PTBP3: variants seen among roughly 807,000 people sequenced by gnomAD.
The protein encoded by PTBP3 is polypyrimidine tract binding protein 3.
A neutral mutation model predicts 58.7 loss-of-function variants in PTBP3; 20 were observed. The observed-to-expected ratio is 0.34, with a 90% confidence interval of 0.24 to 0.50. The LOEUF (loss-of-function observed/expected upper bound fraction) is 0.50, where lower values mean the gene tolerates loss of function less well. PTBP3 is among the 20% of genes least tolerant of loss of function. PTBP3 has a pLI of 0.98. For synonymous variants in PTBP3, 185 were observed against 219.8 expected (o/e 0.84, Z 1.40); for missense variants, 509 against 637.2 (o/e 0.80, Z 2.17).
chr9:112,292,297 T>C lies in PTBP3; in HGVS notation c.34+5535A>G, dbSNP rs117928508. ...CCCAAAAAATAAGTATTCACAAGGA[T>C]GTGGAAAAACTGAAACCCCTGTGTA... On this transcript the variant is annotated intron_variant, in intron 2 of 13. Coordinates refer to ENST00000374257, the MANE Select transcript of PTBP3 (RefSeq NM_001163788.4). Among the ~76,000 whole-genome samples the C allele has an allele frequency of 4.7e-3, 713 of 152,308 alleles. 2 individuals are homozygous for C. Among genetic ancestry groups the C allele is most frequent in the Non-Finnish European group, 8.3e-3 (563 of 68,014 alleles).
intron 2 of PTBP3, among the ~76,000 whole-genome samples, chr9:112,279,186 C>T (rs1827752928): frequency 1.3e-5 from 2 of 152,016 alleles, no homozygotes; most frequent in Admixed American, 1.3e-4. Flanking sequence ...CAATAGGAAA[C>T]AAGGAAATTC....
the PTBP3 span, among the ~76,000 whole-genome samples, chr9:112,367,558 C>T: frequency 1.3e-5 from 2 of 152,080 alleles, no homozygotes; most frequent in African/African-American, 4.8e-5. Flanking sequence ...TATTCTTAGT[C>T]AGGTATAGTA....
the PTBP3 span, among the ~76,000 whole-genome samples, chr9:112,355,084 A>G: frequency 1.3e-5 from 2 of 152,290 alleles, no homozygotes; most frequent in East Asian, 3.9e-4. Context: ...TGGACTACCC[A>G]CACCCACCGT....
the PTBP3 span, among the ~76,000 whole-genome samples, chr9:112,364,335 A>G: frequency 6.6e-6 from 1 of 152,250 alleles, no homozygotes; most frequent in East Asian, 1.9e-4. Flanking sequence ...AAAAGAGCAT[A>G]CTAACCTTTT....
the PTBP3 span, among the ~76,000 whole-genome samples, chr9:112,339,290 CAAAAA>C: frequency 3.0e-3 from 214 of 71,708 alleles, no homozygotes; most frequent in African/African-American, 0.01. Flanking sequence ...GACTCTGTCT[CAAAAA>C]AAAAAAAAAA....
intron 5 of PTBP3, among the ~76,000 whole-genome samples, chr9:112,259,950 G>T (rs1042014309): frequency 2.0e-5 from 3 of 151,980 alleles, no homozygotes; most frequent in Admixed American, 6.6e-5. Flanking sequence ...CTTAGATGGA[G>T]TCTTGCTCTG....
chr9:112,339,376 AATC>A, the PTBP3 span, among the ~76,000 whole-genome samples: 3 of 151,514 alleles, frequency 2.0e-5, no homozygotes, highest in Admixed American at 6.6e-5. Flanking sequence ...GTGATCTAAG[AATC>A]ATCATTGCCC....
rs140634953 is a variant in PTBP3 at position 112,270,758 on chromosome 9, A to G, written c.205-2563T>C. Among the ~76,000 whole-genome samples, 471 of 152,216 alleles carry G rather than the reference A, an allele frequency of 3.1e-3. 2 individuals are homozygous for G. Among genetic ancestry groups the G allele is most frequent in the Admixed American group, 5.4e-3 (82 of 15,292 alleles). On this transcript the variant is annotated intron_variant, in intron 3 of 13. Transcript: ENST00000374257. ...TACCATATTACCCACCACTACCACC[A>G]ACTGCCCCCAACTCAGACTCACATG... is the stretch of plus-strand genomic sequence containing the variant.
Position 112,223,318 on chromosome 9 carries a change from T to TATG in PTBP3, c.*532_*533insCAT. ...CTTCCAACACAACTCAATGTGTTTA[T>TATG]GCATAATAACCATCAATATATGGCA... On this transcript the variant is annotated 3_prime_UTR_variant, in exon 14 of 14. Coordinates refer to ENST00000374257, the MANE Select transcript of PTBP3 (RefSeq NM_001163788.4). The TATG allele has an allele frequency of 3.1e-6, 3 of 971,342 alleles. No homozygotes were observed. In the South Asian group the frequency reaches 1.4e-4, roughly 46 times the overall value. 60.2% of individuals were successfully genotyped at this position (971,342 alleles called of 1,614,324 possible).
intron 1 of PTBP3, among the ~76,000 whole-genome samples, chr9:112,300,701 G>A (rs889830174): frequency 6.6e-6 from 1 of 152,028 alleles, no homozygotes; most frequent in Non-Finnish European, 1.5e-5. Context: ...GCAGTGAGCC[G>A]AGATCACGCC....
chr9:112,240,501 T>C (rs1835612129), intron 7 of PTBP3, among the ~76,000 whole-genome samples: 1 of 152,092 alleles, frequency 6.6e-6, no homozygotes, highest in South Asian at 2.1e-4. Context: ...TAAAACTCTA[T>C]AAAAGTACAG....
chr9:112,298,031 G>A, intron 1 of PTBP3, 115 bp from the exon 2 acceptor site: 1 of 791,108 alleles, frequency 1.3e-6, no homozygotes, highest in Non-Finnish European at 2.0e-6. Flanking sequence ...AGACATTAAA[G>A]GGGGAACTCC....
chr9:112,305,340 C>T (rs772222471), intron 1 of PTBP3, among the ~76,000 whole-genome samples: 4 of 150,744 alleles, frequency 2.7e-5, no homozygotes, highest in African/African-American at 7.3e-5. Context: ...CCAGAAAGAT[C>T]GACAATGTGA....
chr9:112,221,712 T>C lies in PTBP3; in HGVS notation c.*2139A>G, dbSNP rs911995524. On this transcript the variant is annotated 3_prime_UTR_variant, in exon 14 of 14. Transcript: ENST00000374257. ...CTATCTATTCAGCCAAACTGATCCA[T>C]TTGAAAAGTCTTAACTTAGTATCCC... 3 of 985,068 alleles carry C rather than the reference T, an allele frequency of 3.0e-6. No individual in the cohort carries two copies. Among genetic ancestry groups the C allele is most frequent in the Admixed American group, 6.2e-5 (1 of 16,258 alleles). 61.0% of individuals were successfully genotyped at this position (985,068 alleles called of 1,614,324 possible).
At chr9:112,343,662 C>T in the PTBP3 span, among the ~76,000 whole-genome samples, 13 of 151,704 alleles carry the variant, frequency 8.6e-5, no homozygotes, top group Middle Eastern at 3.4e-3. Context: ...GTGGTGGTGG[C>T]GCCTGTAATC....
In PTBP3 at chr9:112,330,138, G is replaced by A. The variant is rs187591599; in HGVS notation, c.-52+3332C>T. 4.0e-3 allele frequency among the ~76,000 whole-genome samples: 604 copies of A among 152,268 alleles called. 4 individuals are homozygous for A. Among genetic ancestry groups the A allele is most frequent in the African/African-American group, 0.014 (585 of 41,536 alleles). ...CAAACTGCTGGGATTACAGGTGTGA[G>A]CCACCGCACCCGGCCTAAGCCTAGG... On this transcript the variant is annotated intron_variant, in intron 1 of 13. Transcript: ENST00000374257.
the PTBP3 span, among the ~76,000 whole-genome samples, chr9:112,361,470 A>G: frequency 5.3e-5 from 8 of 152,096 alleles, no homozygotes; most frequent in Non-Finnish European, 7.4e-5. Context: ...AATTTTGAAA[A>G]CGTTAATAAT....
At chr9:112,295,601 TAAAAAAAAAAAAA>T (rs35276003) in intron 2 of PTBP3, among the ~76,000 whole-genome samples, 1 of 92,526 alleles carries the variant, frequency 1.1e-5, no homozygotes, top group South Asian at 3.7e-4. Flanking sequence ...GTTCTGTTGG[TAAAAAAAAAAAAA>T]AAAAAAAAAG....
At chr9:112,342,325 T>C in the PTBP3 span, among the ~76,000 whole-genome samples, 1 of 152,190 alleles carries the variant, frequency 6.6e-6, no homozygotes, top group South Asian at 2.1e-4. Context: ...CTCATATGTC[T>C]CTGCGTGTGT....
Sources: gnomAD v4.1 joint callset for allele counts (sites outside exome capture counted in the v4.1 genomes callset) on GRCh38, gnomAD v4.1.1 for gene constraint, MANE v1.5 for transcripts, NCBI Gene and HGNC (gene_info 2026-07-23, HGNC 2026-07-21) for gene names.